TASP1: variants seen among roughly 807,000 people sequenced by gnomAD.
The protein encoded by TASP1 is taspase 1, also known as threonine aspartase 1.
In TASP1, 16 loss-of-function variants were observed where a neutral mutation model predicts 56.6. That is an observed-to-expected ratio of 0.28 (90% CI 0.19 to 0.43). TASP1 has a LOEUF of 0.43. Ranked by LOEUF, TASP1 falls within the 20% of genes least tolerant of loss-of-function variation. The probability of loss-of-function intolerance (pLI) is 1.00; values close to 1 mark genes in which losing one functional copy is unlikely to be tolerated. For missense variants in TASP1, 393 were observed against 511.6 expected (o/e 0.77, Z 2.24); for synonymous variants, 179 against 184.2 (o/e 0.97, Z 0.23).
chr20:13,312,957 A>G, the TASP1 span, among the ~76,000 whole-genome samples: 3 of 152,108 alleles, frequency 2.0e-5, no homozygotes, highest in African/African-American at 7.2e-5. Context: ...ACCTACACCA[A>G]AGGAGCATCT....
intron 4 of TASP1, among the ~76,000 whole-genome samples, chr20:13,593,853 C>G (rs2047629944): frequency 6.6e-6 from 1 of 152,218 alleles, no homozygotes; most frequent in Non-Finnish European, 1.5e-5. Flanking sequence ...AGCAGTGGTT[C>G]TCCCAGCATT....
At chr20:13,405,608 G>A (rs925131908) in intron 13 of TASP1, among the ~76,000 whole-genome samples, 2 of 151,994 alleles carry the variant, frequency 1.3e-5, no homozygotes, top group South Asian at 2.1e-4. Flanking sequence ...GTGCAGTGGC[G>A]TGATCTCGGC....
At chr20:13,269,166 A>T in the TASP1 span, among the ~76,000 whole-genome samples, 2 of 152,138 alleles carry the variant, frequency 1.3e-5, no homozygotes, top group Non-Finnish European at 2.9e-5. Context: ...CCCAAGAAAA[A>T]CAAGAACATT....
intron 10 of TASP1, among the ~76,000 whole-genome samples, chr20:13,494,240 G>A (rs2043641917): frequency 6.6e-6 from 1 of 152,154 alleles, no homozygotes; most frequent in Non-Finnish European, 1.5e-5. Context: ...AGTCACTTAT[G>A]ACATCTATGC....
chr20:13,612,699 A>G (rs2048389756), intron 4 of TASP1, among the ~76,000 whole-genome samples: 1 of 152,168 alleles, frequency 6.6e-6, no homozygotes, highest in South Asian at 2.1e-4. Flanking sequence ...CCCACTATGA[A>G]CATTAACGAC....
intron 11 of TASP1, among the ~76,000 whole-genome samples, chr20:13,436,972 T>G (rs2043027074): frequency 6.6e-6 from 1 of 152,134 alleles, no homozygotes; most frequent in South Asian, 2.1e-4. Flanking sequence ...TAGTTAGGCC[T>G]CTGTTTTAGG....
intron 10 of TASP1, among the ~76,000 whole-genome samples, chr20:13,511,346 T>C (rs2044319454): frequency 6.6e-6 from 1 of 152,070 alleles, no homozygotes; most frequent in African/African-American, 2.4e-5. Flanking sequence ...CTTGATGTCA[T>C]CAATGGAGCC....
chr20:13,328,007 G>A, the TASP1 span, among the ~76,000 whole-genome samples: 3 of 152,158 alleles, frequency 2.0e-5, no homozygotes, highest in African/African-American at 7.2e-5. Flanking sequence ...ACTATCATTA[G>A]AGTGAACAGA....
At chr20:13,143,602 G>A in the TASP1 span, among the ~76,000 whole-genome samples, 1 of 152,130 alleles carries the variant, frequency 6.6e-6, no homozygotes, top group Non-Finnish European at 1.5e-5. Context: ...TGGGCACAAG[G>A]CAAAAGTCTG....
At chr20:13,488,306 A>C (rs111655472) in intron 10 of TASP1, among the ~76,000 whole-genome samples, 12 of 152,242 alleles carry the variant, frequency 7.9e-5, no homozygotes, top group African/African-American at 2.9e-4. Context: ...CACCAAAAAG[A>C]AAAGGAAAAA....
At chr20:13,106,012 A>C in the TASP1 span, among the ~76,000 whole-genome samples, 1 of 152,182 alleles carries the variant, frequency 6.6e-6, no homozygotes, top group African/African-American at 2.4e-5. Context: ...CAAAACAAGA[A>C]AGCCGCTTTT....
the TASP1 span, among the ~76,000 whole-genome samples, chr20:13,349,129 G>A: frequency 6.6e-6 from 1 of 152,038 alleles, no homozygotes; most frequent in African/African-American, 2.4e-5. Context: ...TTGGTTCCTG[G>A]GGCCTTTTGA....
the TASP1 span, among the ~76,000 whole-genome samples, chr20:13,317,283 T>C: frequency 6.7e-6 from 1 of 149,434 alleles, no homozygotes; most frequent in African/African-American, 2.4e-5. Flanking sequence ...TACAAATCTC[T>C]GATGAGAGAA....
chr20:13,572,079 T>C (rs2046734836), intron 6 of TASP1, among the ~76,000 whole-genome samples: 1 of 152,236 alleles, frequency 6.6e-6, no homozygotes, highest in African/African-American at 2.4e-5. Flanking sequence ...TATTACATAA[T>C]TGATAATTTA....
intron 11 of TASP1, among the ~76,000 whole-genome samples, chr20:13,480,050 T>C (rs1390606213): frequency 1.3e-5 from 2 of 152,230 alleles, no homozygotes; most frequent in East Asian, 3.8e-4. Context: ...TCCATTTACC[T>C]TGTAAATATC....
chr20:13,473,434 T>G (rs1047003447), intron 11 of TASP1, among the ~76,000 whole-genome samples: 1 of 152,070 alleles, frequency 6.6e-6, no homozygotes. Flanking sequence ...CATGTATACA[T>G]ATGTAACAAA....
At chr20:13,117,610 CA>C in the TASP1 span, 2 of 1,613,060 alleles carry the variant, frequency 1.2e-6, no homozygotes, top group Non-Finnish European at 1.7e-6. Flanking sequence ...GCCGTGGGCC[CA>C]ACCGGCCGGG....
At chr20:13,273,021 G>A in the TASP1 span, among the ~76,000 whole-genome samples, 4 of 152,244 alleles carry the variant, frequency 2.6e-5, no homozygotes, top group Middle Eastern at 3.4e-3. Flanking sequence ...AATTACTAAC[G>A]CAAAGTCATA....
At position 13,472,623 on chromosome 20, in the gene TASP1, T is replaced by TA. The variant is rs762090056; in HGVS notation, c.985+10603dup. Among the ~76,000 whole-genome samples, 79 of 150,672 alleles carry TA rather than the reference T, an allele frequency of 5.2e-4. 2 individuals carry two copies. Among genetic ancestry groups the TA allele is most frequent in the Non-Finnish European group, 9.4e-4 (64 of 67,766 alleles). On this transcript the variant is annotated intron_variant, in intron 11 of 13. Transcript: ENST00000337743. ...TAATATCCAGAATCTACAAAGAACT[T>TA]AAACAAATTTACAAGAAAAAATCAA...
Sources: gnomAD v4.1 joint callset for allele counts (sites outside exome capture counted in the v4.1 genomes callset) on GRCh38, gnomAD v4.1.1 for gene constraint, MANE v1.5 for transcripts, NCBI Gene and HGNC (gene_info 2026-07-23, HGNC 2026-07-21) for gene names.